The following TRIO variants were observed in gnomAD, a reference collection of about 807,000 sequenced individuals.
TRIO encodes trio Rho guanine nucleotide exchange factor, also known as triple functional domain protein.
Under a neutral mutation model 351.9 loss-of-function variants are expected in TRIO, and 58 were observed. The observed-to-expected ratio is 0.16, with a 90% CI of 0.13 to 0.21. The LOEUF (loss-of-function observed/expected upper bound fraction) is 0.21. Ranked by LOEUF, TRIO falls within the 10% of genes least tolerant of loss-of-function variation. The pLI is 1.00. For missense variants in TRIO, 3,201 were observed against 4,027.8 expected (o/e 0.79, Z 5.56); for synonymous variants, 1,758 against 1,595.7 (o/e 1.10, Z -2.42).
At chr5:14,337,629 G>T (rs866782352) in intron 11 of TRIO, among the ~76,000 whole-genome samples, 14 of 152,224 alleles carry the variant, frequency 9.2e-5, no homozygotes, top group Middle Eastern at 6.8e-3. Flanking sequence ...AGAGGGGAGG[G>T]CGAGGCCTGA....
At position 14,386,243 on chromosome 5, in the gene TRIO, C is replaced by T. The variant is rs1049804131; in HGVS notation, c.3571-1195C>T. 8.5e-5 allele frequency among the ~76,000 whole-genome samples: 13 copies of T among 152,134 alleles called. 1 individual carries two copies. Among genetic ancestry groups the T allele is most frequent in the Admixed American group, 5.2e-4 (8 of 15,288 alleles). On this transcript the variant is annotated intron_variant, in intron 21 of 56. Transcript: ENST00000344204. The stretch of plus-strand genomic sequence containing the variant: ...GGGGGAGTGGCTTTCCAGGCAGGAG[C>T]ACCAGTGCAGAGGCCCCAAGGAGGG...
At chr5:14,455,953 G>A (rs1234635504) in intron 34 of TRIO, among the ~76,000 whole-genome samples, 1 of 152,242 alleles carries the variant, frequency 6.6e-6, no homozygotes, top group Non-Finnish European at 1.5e-5. Flanking sequence ...AGGCTGCGTG[G>A]GAGCCCACCG....
intron 1 of TRIO, among the ~76,000 whole-genome samples, chr5:14,215,867 C>G (rs924389032): frequency 1.3e-5 from 2 of 152,016 alleles, no homozygotes; most frequent in African/African-American, 4.8e-5. Flanking sequence ...GAGTCGGTGA[C>G]TTATTTATGT....
intron 10 of TRIO, among the ~76,000 whole-genome samples, chr5:14,334,662 A>G (rs1741226329): frequency 6.6e-6 from 1 of 152,234 alleles, no homozygotes; most frequent in African/African-American, 2.4e-5. Flanking sequence ...ACAGCTTGCT[A>G]CACCGTTAGC....
Position 14,285,820 on chromosome 5 carries a change from C to T in TRIO, c.348-1051C>T, listed in dbSNP as rs370131916. ...TTCCAAAAAAGACCTTGTAGGCAGTCGTTACCTGGTTACTGTCTGGTGCAG... is the reference window on the plus strand; with the variant it reads ...TTCCAAAAAAGACCTTGTAGGCAGTTGTTACCTGGTTACTGTCTGGTGCAG... On this transcript the variant is annotated intron_variant, in intron 3 of 56. Transcript: ENST00000344204. Among the ~76,000 whole-genome samples the T allele has an allele frequency of 1.1e-4, 16 of 152,242 alleles. No homozygotes were observed. The East Asian group carries it at 3.1e-3, about 29-fold the overall frequency.
At position 14,508,546 on chromosome 5, in the gene TRIO, T is replaced by A; in HGVS notation, c.*124T>A. 1 of 1,268,978 alleles carries A rather than the reference T, an allele frequency of 7.9e-7. No individual in the cohort carries two copies. Among genetic ancestry groups the A allele is most frequent in the African/African-American group, 1.5e-5 (1 of 66,712 alleles). 78.6% of individuals were successfully genotyped at this position (1,268,978 alleles called of 1,614,324 possible). A position where few individuals can be genotyped will look rare whatever the true frequency, so the allele number is the denominator to read the frequency against. On this transcript the variant is annotated 3_prime_UTR_variant, in exon 57 of 57. Transcript: ENST00000344204. ...GTATGTTCATCGTGTGAAATTGCAT[T>A]CCAAGTGAGCTGTGCTCAGCAGTGC...
At chr5:14,500,964 C>G (rs1007466245) in intron 53 of TRIO, among the ~76,000 whole-genome samples, 4 of 150,220 alleles carry the variant, frequency 2.7e-5, no homozygotes, top group African/African-American at 7.3e-5. Flanking sequence ...GAGCACCTGC[C>G]CACTATGATG....
At chr5:14,441,599 G>T (rs577718341) in intron 34 of TRIO, among the ~76,000 whole-genome samples, 1 of 152,196 alleles carries the variant, frequency 6.6e-6, no homozygotes, top group Non-Finnish European at 1.5e-5. Flanking sequence ...TCCATTGTGT[G>T]TTGTAAGACC....
At position 14,487,815 on chromosome 5, in the gene TRIO, G is replaced by T. The variant is rs1020302223; in HGVS notation, c.7187G>T (p.Gly2396Val). ...AGCGCGCCCAGCAGGCGGCCCCCCG[G>T]CGCGGACGCCGAGGGGTCCGAGCGA... ...GPSAPSRRPP[G>V]ADAEGSEREA... The change falls in exon 48 of 57, where the codon GGC (glycine) becomes GTC (valine). Residue 2396 changes from glycine (G) to valine (V), a missense_variant. By Grantham distance (109) the Gly-to-Val change is moderately radical. This residue lies in a region of TRIO where 1,089 missense variants were observed against 954.9 expected (regional missense o/e 1.14). Coordinates refer to ENST00000344204, the MANE Select transcript of TRIO (RefSeq NM_007118.4). The T allele has an allele frequency of 6.8e-6, 10 of 1,463,278 alleles. No individual in the cohort carries two copies. In the African/African-American group the frequency reaches 1.5e-4, roughly 22 times the overall value. 90.6% of individuals were successfully genotyped at this position (1,463,278 alleles called of 1,614,324 possible).
rs1024629093 is a variant in TRIO, at chr5:14,498,589, G to T, written c.8281G>T (p.Ala2761Ser). The T allele has an allele frequency of 1.2e-6, 2 of 1,614,206 alleles. No homozygotes were observed. Among genetic ancestry groups the T allele is most frequent in the Non-Finnish European group, 1.7e-6 (2 of 1,180,014 alleles). Residue 2761 changes from alanine to serine, a missense_variant, in exon 53 of 57, where the codon GCT (alanine) becomes TCT (serine). Transcript: ENST00000344204. Reference sequence around the variant, plus strand: ...AGATGACGGCATCTACACGTGCATCGCTGTCAATGACATGGGTTCAGCCTC... The same window carrying T: ...AGATGACGGCATCTACACGTGCATCTCTGTCAATGACATGGGTTCAGCCTC... ...TEDDGIYTCI[A>S]VNDMGSASSS...
At chr5:14,350,452 C>G (rs1234112772) in intron 11 of TRIO, among the ~76,000 whole-genome samples, 1 of 152,136 alleles carries the variant, frequency 6.6e-6, no homozygotes, top group African/African-American at 2.4e-5. Flanking sequence ...AGACTTGATA[C>G]TGTTTGGTTA....
At chr5:14,263,934 T>C (rs1286600197) in intron 1 of TRIO, among the ~76,000 whole-genome samples, 1 of 152,206 alleles carries the variant, frequency 6.6e-6, no homozygotes, top group Non-Finnish European at 1.5e-5. Context: ...TCTGTGCTTG[T>C]CCCTGGGGAT....
intron 9 of TRIO, among the ~76,000 whole-genome samples, chr5:14,321,220 G>A (rs1389456761): frequency 6.6e-6 from 1 of 152,238 alleles, no homozygotes; most frequent in Non-Finnish European, 1.5e-5. Flanking sequence ...TGAGGAGTGG[G>A]CAATGGGAAT....
chr5:14,491,109 T>G (rs553153837), intron 48 of TRIO, among the ~76,000 whole-genome samples: 120 of 152,296 alleles, frequency 7.9e-4, no homozygotes, highest in Non-Finnish European at 1.4e-3. Context: ...CAGGTCTAGA[T>G]TCATAGCCCT....
At chr5:14,444,308 T>C (rs552750701) in intron 34 of TRIO, among the ~76,000 whole-genome samples, 2 of 152,350 alleles carry the variant, frequency 1.3e-5, no homozygotes, top group South Asian at 4.1e-4. Context: ...TTCACATGAA[T>C]AAACAAAAAC....
chr5:14,319,690 G>A lies in TRIO; in HGVS notation c.1731+2947G>A, dbSNP rs149333364. 7.7e-3 allele frequency among the ~76,000 whole-genome samples: 1,180 copies of A among 152,288 alleles called. 11 individuals carry two copies. The highest frequency in any genetic ancestry group is 0.027 in the African/African-American group (1,111 of 41,538). Reference sequence around the variant, plus strand: ...AAGAGCAAGTTACTGAACAATAGGCGAGGCATGGAATGATTACAGTTTTAT... The same window carrying A: ...AAGAGCAAGTTACTGAACAATAGGCAAGGCATGGAATGATTACAGTTTTAT... On this transcript the variant is annotated intron_variant, in intron 9 of 56. Coordinates refer to ENST00000344204, the MANE Select transcript of TRIO (RefSeq NM_007118.4).
intron 37 of TRIO, among the ~76,000 whole-genome samples, chr5:14,469,681 C>T (rs1754537063): frequency 6.6e-6 from 1 of 152,252 alleles, no homozygotes; most frequent in Admixed American, 6.5e-5. Context: ...CGTCTAGCCA[C>T]AACTGCACCG....
At chr5:14,507,396 A>T (rs1757772930) in intron 56 of TRIO, 136 bp downstream of exon 56, 1 of 1,244,840 alleles carries the variant, frequency 8.0e-7, no homozygotes, top group Non-Finnish European at 1.1e-6. Flanking sequence ...GGCAGCGCAG[A>T]CACTGATTGC....
chr5:14,461,419 C>A, intron 35 of TRIO, 108 bp downstream of exon 35: 1 of 1,360,212 alleles, frequency 7.4e-7, no homozygotes, highest in African/African-American at 1.5e-5. Flanking sequence ...CTGTTTTCCG[C>A]ACTTACTCAG....
Sources: allele counts gnomAD v4.1 joint callset (sites outside exome capture counted in the v4.1 genomes callset), GRCh38; gene constraint gnomAD v4.1.1; regional missense constraint gnomAD v4.1.1; transcripts MANE v1.5; gene names NCBI Gene and HGNC (gene_info 2026-07-23, HGNC 2026-07-21).